Variants in SUPT3H observed in about 807,000 individuals in gnomAD.
SUPT3H encodes SPT3 homolog, SAGA and STAGA complex component.
A neutral mutation model predicts 44.3 loss-of-function variants in SUPT3H; 44 were observed. The ratio of observed to expected loss-of-function variants is 0.99; its 90% CI spans 0.78 to 1.28. The LOEUF (loss-of-function observed/expected upper bound fraction) is 1.28. Among genes scored for constraint, SUPT3H ranks in the 50% most tolerant of loss-of-function variants. The probability of loss-of-function intolerance (pLI) is 0.00; values close to 1 mark genes in which losing one functional copy is unlikely to be tolerated. For synonymous variants in SUPT3H, 124 were observed against 125.6 expected (o/e 0.99, Z 0.09); for missense variants, 380 against 387.1 (o/e 0.98, Z 0.15).
chr6:44,889,581 G>C (rs905165395), intron 10 of SUPT3H, among the ~76,000 whole-genome samples: 2 of 152,130 alleles, frequency 1.3e-5, no homozygotes, highest in Admixed American at 6.5e-5. Context: ...GAAACTGGAT[G>C]CCTTCCTTAC....
intron 2 of SUPT3H, among the ~76,000 whole-genome samples, chr6:45,351,762 T>C (rs1366776529): frequency 6.6e-6 from 1 of 152,108 alleles, no homozygotes; most frequent in Non-Finnish European, 1.5e-5. Context: ...ACATCTCAAA[T>C]TTCAATAGCC....
At chr6:45,305,988 T>TACC (rs1437293814) in intron 2 of SUPT3H, among the ~76,000 whole-genome samples, 1 of 152,224 alleles carries the variant, frequency 6.6e-6, no homozygotes, top group East Asian at 1.9e-4. Context: ...ATTCTGCATA[T>TACC]ACCTGTACTC....
chr6:45,281,675 G>C (rs1038429481), intron 2 of SUPT3H, among the ~76,000 whole-genome samples: 1 of 152,186 alleles, frequency 6.6e-6, no homozygotes, highest in Non-Finnish European at 1.5e-5. Context: ...GCAGGGCATA[G>C]CCAAACAATA....
intron 9 of SUPT3H, among the ~76,000 whole-genome samples, chr6:44,936,593 G>T (rs1175115107): frequency 6.6e-6 from 1 of 151,610 alleles, no homozygotes; most frequent in Non-Finnish European, 1.5e-5. Flanking sequence ...TGCAATATTT[G>T]ACTTTCTGTT....
chr6:45,226,814 C>T (rs1000974444), intron 2 of SUPT3H, among the ~76,000 whole-genome samples: 2 of 151,954 alleles, frequency 1.3e-5, no homozygotes, highest in Non-Finnish European at 2.9e-5. Context: ...CAGGCGTGAG[C>T]CACTGCGCCT....
intron 2 of SUPT3H, among the ~76,000 whole-genome samples, chr6:45,213,863 G>A (rs137867647): frequency 1.3e-3 from 190 of 151,684 alleles, no homozygotes; most frequent in African/African-American, 4.2e-3. Flanking sequence ...AAAAATTCTC[G>A]TCTGGGAATC....
intron 11 of SUPT3H, among the ~76,000 whole-genome samples, chr6:44,814,700 A>C (rs1766787723): frequency 6.8e-6 from 1 of 147,514 alleles, no homozygotes; most frequent in Non-Finnish European, 1.5e-5. Flanking sequence ...TTTTTTAGAC[A>C]GAGTCTCATT....
chr6:44,991,561 C>G (rs1324510698), intron 6 of SUPT3H, among the ~76,000 whole-genome samples: 1 of 151,752 alleles, frequency 6.6e-6, no homozygotes, highest in East Asian at 1.9e-4. Context: ...CCTCTGTTGC[C>G]TACGCTGGAG....
chr6:44,909,599 A>ACGAAGACTGTTCACTTTTATTATCTC, intron 10 of SUPT3H, among the ~76,000 whole-genome samples: 1 of 152,200 alleles, frequency 6.6e-6, no homozygotes. Flanking sequence ...TTTCCTATGT[A>ACGAAGACTGTTCACTTTTATTATCTC]CGAAGACTGT....
At chr6:45,178,355 G>A (rs1412071648) in intron 2 of SUPT3H, among the ~76,000 whole-genome samples, 3 of 152,136 alleles carry the variant, frequency 2.0e-5, no homozygotes, top group Non-Finnish European at 4.4e-5. Context: ...AATTCAACAA[G>A]AAGAGCTAAC....
intron 6 of SUPT3H, among the ~76,000 whole-genome samples, chr6:45,000,365 T>C (rs1453830344): frequency 6.6e-6 from 1 of 152,014 alleles, no homozygotes; most frequent in African/African-American, 2.4e-5. Flanking sequence ...TAAATCATGA[T>C]AGGTAGAAAT....
At chr6:45,153,286 C>T (rs1038110509) in intron 2 of SUPT3H, among the ~76,000 whole-genome samples, 1 of 152,180 alleles carries the variant, frequency 6.6e-6, no homozygotes, top group Non-Finnish European at 1.5e-5. Flanking sequence ...ATCTTCTTCA[C>T]TAGTGTAGCC....
intron 2 of SUPT3H, among the ~76,000 whole-genome samples, chr6:45,262,719 C>T (rs940256813): frequency 8.5e-5 from 13 of 152,056 alleles, no homozygotes; most frequent in African/African-American, 3.1e-4. Flanking sequence ...ATGTCTCCTA[C>T]AAAATGGGAG....
At position 45,096,779 on chromosome 6, in the gene SUPT3H, A is replaced by G. The variant is rs113298091; in HGVS notation, c.186+9143T>C. Among the ~76,000 whole-genome samples, 944 of 152,288 alleles carry G rather than the reference A, an allele frequency of 6.2e-3. 12 individuals are homozygous for G. The highest frequency in any genetic ancestry group is 0.02 in the African/African-American group (834 of 41,552). On this transcript the variant is annotated intron_variant, in intron 3 of 10. Coordinates refer to ENST00000371459, the MANE Select transcript of SUPT3H (RefSeq NM_003599.4). ...ACAAAATATCAACAGTAGATATTCA[A>G]TAAAAATCTGTATTGACTAAGGGAG...
chr6:45,213,010 G>A lies in SUPT3H; in HGVS notation c.102-107004C>T, dbSNP rs536581266. ...AAGGAAGCCGATTTTGAATGTAAAC[G>A]CAAAAATATACTGGTTTAGCCAAAC... is the stretch of plus-strand genomic sequence containing the variant. On this transcript the variant is annotated intron_variant, in intron 2 of 10. Transcript: ENST00000371459. Among the ~76,000 whole-genome samples, 6 of 152,198 alleles carry A rather than the reference G, an allele frequency of 3.9e-5. No homozygotes were observed. The East Asian group carries it at 1.2e-3, about 29-fold the overall frequency.
chr6:45,223,663 G>GAT (rs1766436297), intron 2 of SUPT3H, among the ~76,000 whole-genome samples: 1 of 151,656 alleles, frequency 6.6e-6, no homozygotes, highest in Non-Finnish European at 1.5e-5. Context: ...CTAAAGCTAA[G>GAT]TTGCAAGCTC....
intron 2 of SUPT3H, among the ~76,000 whole-genome samples, chr6:45,285,789 A>G (rs1346227411): frequency 6.6e-6 from 1 of 152,194 alleles, no homozygotes; most frequent in Non-Finnish European, 1.5e-5. Context: ...TTGCCAAGTC[A>G]ATCCTAAGCC....
chr6:44,914,749 C>T (rs950424195), intron 10 of SUPT3H, among the ~76,000 whole-genome samples: 1 of 152,174 alleles, frequency 6.6e-6, no homozygotes, highest in African/African-American at 2.4e-5. Flanking sequence ...ATCCATTCAT[C>T]AATCTTTTAT....
chr6:44,846,049 G>A (rs1249967099), intron 10 of SUPT3H, among the ~76,000 whole-genome samples: 1 of 152,152 alleles, frequency 6.6e-6, no homozygotes, highest in African/African-American at 2.4e-5. Context: ...CCTAGACACT[G>A]CCATGGGGTC....
Sources: gnomAD v4.1 joint callset for allele counts (sites outside exome capture counted in the v4.1 genomes callset) on GRCh38, gnomAD v4.1.1 for gene constraint, MANE v1.5 for transcripts, NCBI Gene and HGNC (gene_info 2026-07-23, HGNC 2026-07-21) for gene names.